Variants in DACH1 observed in about 807,000 individuals in gnomAD.
DACH1 encodes dachshund homolog 1.
DACH1 carries 12 observed loss-of-function variants against 54.2 expected under a neutral mutation model. The observed-to-expected ratio is 0.22, with a 90% CI of 0.14 to 0.36. The LOEUF is 0.36. Ranked by LOEUF, DACH1 falls within the 10% of genes least tolerant of loss-of-function variation. The pLI, the probability that DACH1 is intolerant of heterozygous loss-of-function variation, is 1.00. For synonymous variants in DACH1, 386 were observed against 366.2 expected (o/e 1.05, Z -0.62); for missense variants, 805 against 929.8 (o/e 0.87, Z 1.75).
chr13:71,440,797 T>G, intron 10 of DACH1, 105 bp from the exon 11 acceptor site: 1 of 869,042 alleles, frequency 1.2e-6, no homozygotes, highest in Non-Finnish European at 1.8e-6. Context: ...TTTTATTAGA[T>G]CTTTACTTGG....
chr13:71,446,313 C>T (rs1384367274), intron 10 of DACH1, among the ~76,000 whole-genome samples: 1 of 152,168 alleles, frequency 6.6e-6, no homozygotes, highest in South Asian at 2.1e-4. Flanking sequence ...GTTCCTCATG[C>T]TGAGGCAAGT....
At chr13:71,448,899 A>C (rs1874730475) in intron 10 of DACH1, among the ~76,000 whole-genome samples, 2 of 151,626 alleles carry the variant, frequency 1.3e-5, no homozygotes, top group African/African-American at 4.8e-5. Flanking sequence ...AGAGGACTAG[A>C]CATCATATTA....
At chr13:71,502,767 C>T (rs145873964) in intron 6 of DACH1, among the ~76,000 whole-genome samples, 2 of 152,142 alleles carry the variant, frequency 1.3e-5, no homozygotes, top group Admixed American at 6.6e-5. Flanking sequence ...CCATAAGAAC[C>T]TTGTGTAGGT....
At chr13:71,682,577 T>C (rs1177434135) in intron 1 of DACH1, among the ~76,000 whole-genome samples, 1 of 152,184 alleles carries the variant, frequency 6.6e-6, no homozygotes, top group African/African-American at 2.4e-5. Flanking sequence ...AGTCAAGTTA[T>C]CATTTAACCC....
intron 1 of DACH1, among the ~76,000 whole-genome samples, chr13:71,860,308 T>C (rs1240788913): frequency 6.6e-6 from 1 of 151,670 alleles, no homozygotes; most frequent in Non-Finnish European, 1.5e-5. Flanking sequence ...AAATGGCACA[T>C]GCTGACATAT....
intron 1 of DACH1, among the ~76,000 whole-genome samples, chr13:71,708,755 CTT>C (rs1882564933): frequency 6.6e-6 from 1 of 151,894 alleles, no homozygotes; most frequent in Non-Finnish European, 1.5e-5. Context: ...TTGTTACCAA[CTT>C]TTCTACATCC....
chr13:71,752,938 G>C (rs1349449489), intron 1 of DACH1, among the ~76,000 whole-genome samples: 1 of 152,082 alleles, frequency 6.6e-6, no homozygotes, highest in African/African-American at 2.4e-5. Context: ...ACAGAAATAA[G>C]CCCAATACAT....
intron 10 of DACH1, among the ~76,000 whole-genome samples, chr13:71,466,144 G>C (rs554776545): frequency 6.6e-6 from 1 of 152,026 alleles, no homozygotes; most frequent in East Asian, 1.9e-4. Flanking sequence ...GAATTTCACC[G>C]GTGCACTGTT....
rs548588924 is a variant in DACH1, at chr13:71,550,594, G to A, written c.1570+6430C>T. Among the ~76,000 whole-genome samples, 3 of 152,220 alleles carry A rather than the reference G, an allele frequency of 2.0e-5. No individual in the cohort carries two copies. In the East Asian group the frequency reaches 5.8e-4, roughly 29 times the overall value. ...ACAGGGCTGTTATGAATATCTTACAGTAAGTATTTTCCTCAATTGTCATTG... is the reference window on the plus strand; with the variant it reads ...ACAGGGCTGTTATGAATATCTTACAATAAGTATTTTCCTCAATTGTCATTG... On this transcript the variant is annotated intron_variant, in intron 6 of 10. Coordinates refer to ENST00000613252, the MANE Select transcript of DACH1 (RefSeq NM_080759.6).
chr13:71,567,324 G>GA (rs34930791), intron 4 of DACH1, among the ~76,000 whole-genome samples: 1 of 151,852 alleles, frequency 6.6e-6, no homozygotes, highest in African/African-American at 2.4e-5. Context: ...TGTTATCTCT[G>GA]AAAAAAATCT....
At chr13:71,797,059 T>G (rs1887086470) in intron 1 of DACH1, among the ~76,000 whole-genome samples, 1 of 152,088 alleles carries the variant, frequency 6.6e-6, no homozygotes, top group African/African-American at 2.4e-5. Flanking sequence ...TGTCAATAGT[T>G]CTAATATTAT....
intron 1 of DACH1, among the ~76,000 whole-genome samples, chr13:71,806,049 C>A (rs547898261): frequency 6.6e-6 from 1 of 152,106 alleles, no homozygotes; most frequent in Non-Finnish European, 1.5e-5. Context: ...TCAGGTGATC[C>A]GCCCACCTCA....
At chr13:71,490,792 T>C (rs900455187) in intron 6 of DACH1, among the ~76,000 whole-genome samples, 3 of 152,162 alleles carry the variant, frequency 2.0e-5, no homozygotes, top group African/African-American at 4.8e-5. Flanking sequence ...TAAACATATA[T>C]GTGCATGTGA....
chr13:71,457,277 T>TATC (rs987403511), intron 10 of DACH1, among the ~76,000 whole-genome samples: 9 of 151,980 alleles, frequency 5.9e-5, no homozygotes, highest in African/African-American at 2.2e-4. Flanking sequence ...TATGGAACAA[T>TATC]ATCATGAAAA....
intron 6 of DACH1, among the ~76,000 whole-genome samples, chr13:71,546,001 C>T (rs1231009122): frequency 1.3e-5 from 2 of 152,128 alleles, no homozygotes; most frequent in South Asian, 2.1e-4. Flanking sequence ...CAATTTTGGC[C>T]ACTTATACAG....
At chr13:71,833,237 G>A (rs1185637711) in intron 1 of DACH1, among the ~76,000 whole-genome samples, 1 of 151,862 alleles carries the variant, frequency 6.6e-6, no homozygotes, top group Non-Finnish European at 1.5e-5. Context: ...TGAGGGATGG[G>A]TTCTATGGTC....
At chr13:71,620,819 T>G (rs984900720) in intron 3 of DACH1, among the ~76,000 whole-genome samples, 2 of 151,988 alleles carry the variant, frequency 1.3e-5, no homozygotes, top group Admixed American at 6.6e-5. Context: ...AAACATATAT[T>G]TTCTCCAAAG....
rs192289565 is a variant in DACH1 at position 71,667,123 on chromosome 13, T to C, written c.964+14672A>G. ...TTTTCAATATTTTTTAAAGAGAAACTGAGAAAAAAACAGCAGCACAGTCAA... is the reference window on the plus strand; with the variant it reads ...TTTTCAATATTTTTTAAAGAGAAACCGAGAAAAAAACAGCAGCACAGTCAA... On this transcript the variant is annotated intron_variant, in intron 2 of 10. Transcript: ENST00000613252. Among the ~76,000 whole-genome samples, 12 of 152,050 alleles carry C rather than the reference T, an allele frequency of 7.9e-5. No individual in the cohort carries two copies. The East Asian group carries it at 2.3e-3, about 29-fold the overall frequency.
chr13:71,775,557 A>G (rs1022949068), intron 1 of DACH1, among the ~76,000 whole-genome samples: 1 of 152,204 alleles, frequency 6.6e-6, no homozygotes, highest in African/African-American at 2.4e-5. Context: ...ATATTCACAC[A>G]AAGATATATA....
Sources: allele counts gnomAD v4.1 joint callset (sites outside exome capture counted in the v4.1 genomes callset), GRCh38; gene constraint gnomAD v4.1.1; transcripts MANE v1.5; gene names NCBI Gene and HGNC (gene_info 2026-07-23, HGNC 2026-07-21).